The following ATP8A1 variants were observed in gnomAD, a reference collection of about 807,000 sequenced individuals.
ATP8A1 encodes ATPase phospholipid transporting 8A1.
ATP8A1 carries 90 observed loss-of-function variants against 177.7 expected under a neutral mutation model. That is an observed-to-expected ratio of 0.51 (90% CI 0.43 to 0.60). The LOEUF (loss-of-function observed/expected upper bound fraction) is 0.60. Ranked by LOEUF, ATP8A1 falls within the 20% of genes least tolerant of loss-of-function variation. The probability of loss-of-function intolerance (pLI) is 0.00; values close to 1 mark genes in which losing one functional copy is unlikely to be tolerated. For missense variants in ATP8A1, 1,072 were observed against 1,392.8 expected (o/e 0.77, Z 3.67); for synonymous variants, 493 against 485.9 (o/e 1.01, Z -0.19).
rs1260596383 is a variant in ATP8A1 at position 42,600,529 on chromosome 4, A to G, written c.410-11T>C. On this transcript the variant is annotated splice_polypyrimidine_tract_variant and intron_variant, in intron 5 of 36. Transcript: ENST00000381668. ...CACCATTTCTCAAAACTGGAAAGAG[A>G]AAAGGTGACATTTTAAACAACATGT... 1 of 1,608,222 alleles carries G rather than the reference A, an allele frequency of 6.2e-7. No homozygotes were observed. The highest frequency in any genetic ancestry group is 2.2e-5 in the East Asian group (1 of 44,548).
chr4:42,555,110 TATCTATCTATCTATCTATCTATCTATCTA>T (rs1333041334), intron 16 of ATP8A1, among the ~76,000 whole-genome samples: 7 of 94,020 alleles, frequency 7.4e-5, no homozygotes, highest in African/African-American at 2.4e-4. Context: ...TCTATCTATC[TATCTATCTATCTATCTATCTATCTATCTA>T]ATCTATCTAT....
chr4:42,468,114 TCTACACCGCTGGTGGG>T (rs1553880328), intron 25 of ATP8A1, among the ~76,000 whole-genome samples: 1 of 152,184 alleles, frequency 6.6e-6, no homozygotes, highest in Non-Finnish European at 1.5e-5. Context: ...AGGGAACACT[TCTACACCGCTGGTGGG>T]AATGTAAACT....
At chr4:42,570,461 G>A (rs1246809753) in intron 14 of ATP8A1, among the ~76,000 whole-genome samples, 1 of 152,208 alleles carries the variant, frequency 6.6e-6, no homozygotes. Flanking sequence ...GAAGGGCCTG[G>A]TACTAACCAA....
chr4:42,604,088 T>C (rs961800109), intron 5 of ATP8A1, among the ~76,000 whole-genome samples: 3 of 152,074 alleles, frequency 2.0e-5, no homozygotes, highest in Non-Finnish European at 4.4e-5. Flanking sequence ...TGCTCTCTGC[T>C]GTCTCAAATC....
intron 15 of ATP8A1, among the ~76,000 whole-genome samples, chr4:42,561,214 C>CGCGCACTGGGACAGGT (rs947506879): frequency 5.3e-5 from 8 of 152,204 alleles, no homozygotes; most frequent in South Asian, 2.1e-4. Context: ...TCAGGTGGGC[C>CGCGCACTGGGACAGGT]GCGCACTGGG....
At chr4:42,465,924 T>G (rs1192991199) in intron 25 of ATP8A1, among the ~76,000 whole-genome samples, 2 of 145,662 alleles carry the variant, frequency 1.4e-5, no homozygotes, top group African/African-American at 2.6e-5. Flanking sequence ...CCCAGCTACT[T>G]GGGAGGCTGA....
chr4:42,413,922 G>C (rs1194834825), intron 36 of ATP8A1, among the ~76,000 whole-genome samples: 1 of 152,212 alleles, frequency 6.6e-6, no homozygotes, highest in Non-Finnish European at 1.5e-5. Context: ...TCCTTCAGAG[G>C]ACATTCCCCT....
chr4:42,452,016 A>G lies in ATP8A1; in HGVS notation c.2861T>C (p.Ile954Thr). 6.2e-7 allele frequency: 1 copy of G among 1,613,388 alleles called. No individual in the cohort carries two copies. The highest frequency in any genetic ancestry group is 8.5e-7 in the Non-Finnish European group (1 of 1,179,564). ...HCLNGLFHSV[I>T]LFWFPLKALQ... Reference sequence around the variant, plus strand: ...GGCTTTTAGTGGAAACCAAAACAGAATAACTGAGTGGAAGAGGCCATTTAA... The same window carrying G: ...GGCTTTTAGTGGAAACCAAAACAGAGTAACTGAGTGGAAGAGGCCATTTAA... The change falls in exon 30 of 37, where the codon ATT (isoleucine) becomes ACT (threonine). Residue 954 changes from isoleucine (I) to threonine (T), a missense_variant. Physicochemically the swap from Ile to Thr is moderately conservative, Grantham distance 89. This residue lies in a region of ATP8A1 where 316 missense variants were observed against 459.1 expected (regional missense o/e 0.69). Transcript: ENST00000381668.
chr4:42,533,461 G>A (rs918565374), intron 20 of ATP8A1, among the ~76,000 whole-genome samples: 1 of 152,054 alleles, frequency 6.6e-6, no homozygotes, highest in African/African-American at 2.4e-5. Context: ...CATTGGCCTG[G>A]GAACCGCACC....
chr4:42,656,912 T>G lies in ATP8A1; in HGVS notation c.-39A>C. 1 of 1,522,698 alleles carries G rather than the reference T, an allele frequency of 6.6e-7. No individual in the cohort carries two copies. 94.3% of individuals were successfully genotyped at this position (1,522,698 alleles called of 1,614,324 possible). On this transcript the variant is annotated 5_prime_UTR_variant, in exon 1 of 37. Coordinates refer to ENST00000381668, the MANE Select transcript of ATP8A1 (RefSeq NM_006095.2). ...GCAGGTGGGTCCTCAGCCCGGACTC[T>G]GCACCTGTCACGGCGTGGTACACGC...
chr4:42,542,515 A>G (rs1042611051), intron 20 of ATP8A1, among the ~76,000 whole-genome samples: 2 of 152,130 alleles, frequency 1.3e-5, no homozygotes, highest in Admixed American at 1.3e-4. Flanking sequence ...ACATAGGTAT[A>G]CATGTGCCAT....
chr4:42,486,390 G>C (rs1475137179), intron 24 of ATP8A1, among the ~76,000 whole-genome samples: 1 of 152,170 alleles, frequency 6.6e-6, no homozygotes, highest in African/African-American at 2.4e-5. Context: ...AGGCTAAATT[G>C]TGGGAGCTAG....
At chr4:42,590,991 GAAAAT>G (rs1300849850) in intron 6 of ATP8A1, 107 bp from the exon 7 acceptor site, 10 of 980,114 alleles carry the variant, frequency 1.0e-5, no homozygotes, top group Non-Finnish European at 1.5e-5. Context: ...AATTATTATA[GAAAAT>G]AATACATGTT....
intron 24 of ATP8A1, among the ~76,000 whole-genome samples, chr4:42,496,977 C>A (rs1245334122): frequency 6.6e-6 from 1 of 151,852 alleles, no homozygotes; most frequent in Admixed American, 6.6e-5. Context: ...GTTCTGTGGT[C>A]CTGGTGGTGA....
At chr4:42,489,979 T>G (rs1722582406) in intron 24 of ATP8A1, among the ~76,000 whole-genome samples, 1 of 152,202 alleles carries the variant, frequency 6.6e-6, no homozygotes, top group Non-Finnish European at 1.5e-5. Flanking sequence ...TTTTCACTCG[T>G]GGGCTGAAAG....
At chr4:42,534,017 A>G (rs553397166) in intron 20 of ATP8A1, among the ~76,000 whole-genome samples, 3 of 152,280 alleles carry the variant, frequency 2.0e-5, no homozygotes, top group African/African-American at 4.8e-5. Context: ...GAAAGAATCT[A>G]AACAGTTGCC....
At chr4:42,572,690 C>T (rs1014404415) in intron 14 of ATP8A1, among the ~76,000 whole-genome samples, 7 of 152,150 alleles carry the variant, frequency 4.6e-5, no homozygotes, top group Non-Finnish European at 8.8e-5. Flanking sequence ...AAACAGATTT[C>T]GGCTTATACA....
intron 20 of ATP8A1, among the ~76,000 whole-genome samples, chr4:42,534,541 T>C (rs1727584318): frequency 6.6e-6 from 1 of 152,168 alleles, no homozygotes; most frequent in Non-Finnish European, 1.5e-5. Context: ...CTAAGAATAA[T>C]TGGTGTTCCT....
At chr4:42,636,154 A>ACGCGCGCGCGCGCGCGCG (rs765930469) in intron 1 of ATP8A1, among the ~76,000 whole-genome samples, 1 of 47,540 alleles carries the variant, frequency 2.1e-5, no homozygotes, top group Non-Finnish European at 7.2e-5. Context: ...ACACACACAC[A>ACGCGCGCGCGCGCGCGCG]CACGCACACA....
Sources: gnomAD v4.1 joint callset for allele counts (sites outside exome capture counted in the v4.1 genomes callset) on GRCh38, gnomAD v4.1.1 for gene constraint, gnomAD v4.1.1 regional missense constraint, MANE v1.5 for transcripts, NCBI Gene and HGNC (gene_info 2026-07-23, HGNC 2026-07-21) for gene names.